Variants in HDAC8 observed in about 807,000 individuals in gnomAD.
HDAC8 encodes histone deacetylase 8.
HDAC8 carries 1 observed loss-of-function variant against 32.2 expected under a neutral mutation model. That is an observed-to-expected ratio of 0.03 (90% CI 0.01 to 0.15). The LOEUF (loss-of-function observed/expected upper bound fraction) is 0.15, where lower values mean the gene tolerates loss of function less well. Ranked by LOEUF, HDAC8 falls within the 10% of genes least tolerant of loss-of-function variation. HDAC8 has a pLI of 1.00. For synonymous variants in HDAC8, 108 were observed against 113.9 expected (o/e 0.95, Z 0.33); for missense variants, 117 against 300.0 (o/e 0.39, Z 4.51).
chrX:72,334,208 A>C (rs2043615494), intron 10 of HDAC8, among the ~76,000 whole-genome samples: 1 of 111,747 alleles, frequency 8.9e-6, no homozygotes, highest in African/African-American at 3.3e-5. Flanking sequence ...GGGCCTAGGG[A>C]GACAAGAAGT....
chrX:72,524,120 T>C (rs1224232062), intron 4 of HDAC8, among the ~76,000 whole-genome samples: 2 of 112,610 alleles, frequency 1.8e-5, no homozygotes, highest in Non-Finnish European at 3.8e-5. Flanking sequence ...AGAAACTCTA[T>C]GGCCTGTGAA....
At chrX:72,450,914 A>C (rs1455381947) in intron 9 of HDAC8, among the ~76,000 whole-genome samples, 1 of 111,766 alleles carries the variant, frequency 8.9e-6, no homozygotes, top group Non-Finnish European at 1.9e-5. Context: ...AAAATCTGAA[A>C]TGTTCTAAAA....
intron 9 of HDAC8, among the ~76,000 whole-genome samples, chrX:72,451,165 G>A (rs968204365): frequency 1.8e-5 from 2 of 110,754 alleles, no homozygotes; most frequent in South Asian, 7.6e-4. Context: ...TGTACACTGA[G>A]GCATATTACA....
intron 4 of HDAC8, among the ~76,000 whole-genome samples, chrX:72,538,741 C>A (rs2050610886): frequency 9.0e-6 from 1 of 111,595 alleles, no homozygotes. Context: ...ACTTGCCCTC[C>A]TCTAGCAAGG....
chrX:72,342,483 A>C (rs1209373130), intron 10 of HDAC8, among the ~76,000 whole-genome samples: 3 of 112,576 alleles, frequency 2.7e-5, no homozygotes, highest in African/African-American at 9.7e-5. Flanking sequence ...CTCCAGGTAG[A>C]CTGACAAAGT....
At chrX:72,531,794 A>G (rs1413687161) in intron 4 of HDAC8, among the ~76,000 whole-genome samples, 2 of 112,504 alleles carry the variant, frequency 1.8e-5, no homozygotes, top group Non-Finnish European at 3.7e-5. Context: ...AGCATGTATC[A>G]GTATTTCATT....
chrX:72,438,815 G>A (rs2069664754), intron 9 of HDAC8, among the ~76,000 whole-genome samples: 1 of 111,801 alleles, frequency 8.9e-6, no homozygotes, highest in South Asian at 3.8e-4. Flanking sequence ...AGGACTATGT[G>A]AAAAGACCAA....
intron 9 of HDAC8, among the ~76,000 whole-genome samples, chrX:72,417,278 A>G (rs1555972090): frequency 9.0e-6 from 1 of 111,609 alleles, no homozygotes; most frequent in Non-Finnish European, 1.9e-5. Context: ...AAATAGGAAG[A>G]AAGGAGATCA....
intron 6 of HDAC8, chrX:72,489,357 T>C: frequency 3.3e-6 from 1 of 305,976 alleles, no homozygotes; most frequent in Non-Finnish European, 6.0e-6. Context: ...TGTCTACTAG[T>C]ATAGTAAGCA....
At chrX:72,558,430 C>A (rs1556102588) in intron 4 of HDAC8, among the ~76,000 whole-genome samples, 3 of 112,053 alleles carry the variant, frequency 2.7e-5, no homozygotes, top group Non-Finnish European at 5.6e-5. Flanking sequence ...GATAGTTTAA[C>A]ATACACAAGT....
At chrX:72,372,722 AT>A (rs1301009212) in intron 9 of HDAC8, among the ~76,000 whole-genome samples, 2 of 111,491 alleles carry the variant, frequency 1.8e-5, no homozygotes, top group African/African-American at 3.3e-5. Context: ...TAGTTGTACC[AT>A]TTGCTAGCTG....
At chrX:72,518,886 A>G (rs1447786334) in intron 4 of HDAC8, among the ~76,000 whole-genome samples, 1 of 112,198 alleles carries the variant, frequency 8.9e-6, no homozygotes, top group African/African-American at 3.2e-5. Context: ...AGTTTCCTCC[A>G]TGTCTTTCAG....
chrX:72,416,864 C>T (rs1007703111), intron 9 of HDAC8, among the ~76,000 whole-genome samples: 2 of 110,179 alleles, frequency 1.8e-5, no homozygotes, highest in Non-Finnish European at 3.8e-5. Context: ...TTTCTTTTAT[C>T]GATTTCCTGT....
rs1196329730 is a variant in HDAC8 at position 72,357,912 on chromosome X, C to CT, written c.1006-6075dup. ...GAGCACAGATTTCTTTTCTTTCTTT[C>CT]TTTTTTTTTTTAGACGGAGTCTCGC... is the stretch of plus-strand genomic sequence containing the variant. On this transcript the variant is annotated intron_variant, in intron 9 of 10. Transcript: ENST00000373573. 5.3e-4 allele frequency among the ~76,000 whole-genome samples: 55 copies of CT among 104,395 alleles called. 1 individual carries two copies. In the South Asian group the frequency reaches 9.6e-3, roughly 18 times the overall value. The allele number at this position is 104,395 out of a possible 115,157, so 90.7% of individuals were successfully genotyped here.
intron 9 of HDAC8, among the ~76,000 whole-genome samples, chrX:72,385,573 G>T (rs1222274989): frequency 3.6e-5 from 4 of 111,468 alleles, no homozygotes; most frequent in African/African-American, 9.8e-5. Context: ...TTTGATGAAT[G>T]TCTTTCTAGT....
At chrX:72,571,966 A>G in intron 2 of HDAC8, 91 bp downstream of exon 2, 1 of 751,358 alleles carries the variant, frequency 1.3e-6, no homozygotes, top group Non-Finnish European at 1.9e-6. Flanking sequence ...ATTTTTTCAA[A>G]AGACCATTCT....
intron 9 of HDAC8, among the ~76,000 whole-genome samples, chrX:72,428,438 TC>T (rs1184141654): frequency 8.9e-6 from 1 of 112,402 alleles, no homozygotes; most frequent in East Asian, 2.8e-4. Flanking sequence ...ACTTTTGCTT[TC>T]CTGGTGCCTG....
intron 4 of HDAC8, among the ~76,000 whole-genome samples, chrX:72,546,949 A>G (rs1312896012): frequency 9.0e-6 from 1 of 111,323 alleles, no homozygotes; most frequent in African/African-American, 3.3e-5. Flanking sequence ...CAGCTCCTAA[A>G]TGTTCTTAAT....
At chrX:72,572,442 C>T in intron 1 of HDAC8, 1 of 419,747 alleles carries the variant, frequency 2.4e-6, no homozygotes, top group Non-Finnish European at 4.1e-6. Flanking sequence ...CCTACCTGTC[C>T]ATTGGACGTC....
Sources: allele counts gnomAD v4.1 joint callset (sites outside exome capture counted in the v4.1 genomes callset), GRCh38; gene constraint gnomAD v4.1.1; transcripts MANE v1.5; gene names NCBI Gene and HGNC (gene_info 2026-07-23, HGNC 2026-07-21).